The following MYO1D variants were observed in gnomAD, a reference collection of about 807,000 sequenced individuals.
The protein encoded by MYO1D is unconventional myosin-Id.
Under a neutral mutation model 122.0 loss-of-function variants are expected in MYO1D, and 83 were observed. That is an observed-to-expected ratio of 0.68 (90% CI 0.57 to 0.82). The LOEUF is 0.82. MYO1D is among the 40% of genes least tolerant of loss of function. The pLI is 0.00. For missense variants in MYO1D, 1,157 were observed against 1,269.5 expected (o/e 0.91, Z 1.35); for synonymous variants, 464 against 446.9 (o/e 1.04, Z -0.48).
At chr17:32,626,448 T>C (rs569012844) in intron 20 of MYO1D, among the ~76,000 whole-genome samples, 1 of 152,346 alleles carries the variant, frequency 6.6e-6, no homozygotes, top group African/African-American at 2.4e-5. Flanking sequence ...AAAGGCATTG[T>C]GTTTCTTTAA....
In MYO1D at chr17:32,828,515, CAAAAAAAA is replaced by C. The variant is rs137921871; in HGVS notation, c.96-47739_96-47732del. ...TGGACGACAGAGCGAGACTCCGTCT[CAAAAAAAA>C]AAAAAAAAAAAAAAAAGAAAGAAGA... On this transcript the variant is annotated intron_variant, in intron 1 of 21. Coordinates refer to ENST00000318217, the MANE Select transcript of MYO1D (RefSeq NM_015194.3). Among the ~76,000 whole-genome samples, 9 of 71,814 alleles carry C rather than the reference CAAAAAAAA, an allele frequency of 1.3e-4. No individual in the cohort carries two copies. In the East Asian group the frequency reaches 2.1e-3, roughly 17 times the overall value. 47.1% of individuals were successfully genotyped at this position (71,814 alleles called of 152,430 possible). A position where few individuals can be genotyped will look rare whatever the true frequency, so the allele number is the denominator to read the frequency against.
At position 32,605,165 on chromosome 17, in the gene MYO1D, A is replaced by C. The variant is rs376679614; in HGVS notation, c.2786T>G (p.Val929Gly). The C allele has an allele frequency of 5.6e-6, 9 of 1,610,466 alleles. No individual in the cohort carries two copies. The African/African-American group carries it at 1.2e-4, about 22-fold the overall frequency. Residue 929 changes from valine (V) to glycine (G), a missense_variant, in exon 21 of 22, where the codon GTC (valine) becomes GGC (glycine). By Grantham distance (109) the Val-to-Gly change is moderately radical (BLOSUM62 -3). Transcript: ENST00000318217. Reference protein sequence around the residue: ...FHTKDNKDLIVCLFSKQPTHE... With the variant: ...FHTKDNKDLIGCLFSKQPTHE... ...GGTTGGCTGTTTGCTGAAGAGGCAG[A>C]CAATGAGGTCTTTGTTGTCTTTCGT...
At position 32,659,257 on chromosome 17, in the gene MYO1D, T is replaced by G; in HGVS notation, c.2203A>C (p.Lys735Gln). 2 of 1,614,236 alleles carry G rather than the reference T, an allele frequency of 1.2e-6. No homozygotes were observed. Among genetic ancestry groups the G allele is most frequent in the Non-Finnish European group, 1.7e-6 (2 of 1,180,034 alleles). The change falls in exon 17 of 22, where the codon AAA becomes CAA. Residue 735 changes from lysine (K) to glutamine (Q), a missense_variant. Lys to Gln is a moderately conservative substitution (Grantham distance 53). Coordinates refer to ENST00000318217, the MANE Select transcript of MYO1D (RefSeq NM_015194.3). ...LTIIRYYRRY[K>Q]VKSYIHEVAR... ...ACCTCGTGGATGTACGACTTCACTTTGTAGCGCCGGTAGTACCTGATTATT... is the reference window on the plus strand; with the variant it reads ...ACCTCGTGGATGTACGACTTCACTTGGTAGCGCCGGTAGTACCTGATTATT...
chr17:32,696,385 C>G (rs16967553), intron 16 of MYO1D, among the ~76,000 whole-genome samples: 9,902 of 152,080 alleles, frequency 0.065, 1,027 homozygotes, highest in African/African-American at 0.22. Context: ...AAAAAAACAA[C>G]TTGCAGAAGA....
At chr17:32,519,973 C>G (rs1910071630) in intron 21 of MYO1D, among the ~76,000 whole-genome samples, 1 of 151,536 alleles carries the variant, frequency 6.6e-6, no homozygotes, top group Non-Finnish European at 1.5e-5. Context: ...ACCCCCGCAG[C>G]CATGTGAAAT....
intron 21 of MYO1D, chr17:32,528,977 G>A (rs1384643912): frequency 3.9e-5 from 6 of 152,328 alleles, no homozygotes; most frequent in Non-Finnish European, 5.9e-5. Context: ...TTGTTACAGC[G>A]GCAATAGGAA....
At chr17:32,634,377 G>C (rs972399338) in intron 20 of MYO1D, among the ~76,000 whole-genome samples, 2 of 152,228 alleles carry the variant, frequency 1.3e-5, no homozygotes, top group African/African-American at 4.8e-5. Flanking sequence ...ACCCAGTGTG[G>C]AAAGCCAGCA....
intron 21 of MYO1D, among the ~76,000 whole-genome samples, chr17:32,507,514 C>T (rs138218908): frequency 6.6e-6 from 1 of 152,254 alleles, no homozygotes; most frequent in Non-Finnish European, 1.5e-5. Flanking sequence ...ACATACTAGA[C>T]CACAGAAGAA....
intron 1 of MYO1D, among the ~76,000 whole-genome samples, chr17:32,821,388 A>G (rs943877943): frequency 6.6e-6 from 1 of 152,214 alleles, no homozygotes; most frequent in Non-Finnish European, 1.5e-5. Flanking sequence ...AAACTAAAAT[A>G]AAGAAATGAA....
intron 16 of MYO1D, among the ~76,000 whole-genome samples, chr17:32,675,974 G>C (rs1446359158): frequency 6.6e-6 from 1 of 152,124 alleles, no homozygotes; most frequent in Non-Finnish European, 1.5e-5. Context: ...CCTATGATGT[G>C]ATTCTAAGCA....
chr17:32,652,696 T>C (rs1472484827), intron 19 of MYO1D, among the ~76,000 whole-genome samples: 1 of 152,108 alleles, frequency 6.6e-6, no homozygotes, highest in South Asian at 2.1e-4. Flanking sequence ...ACTGCTATCA[T>C]CTCCAGGTAA....
chr17:32,871,310 A>G (rs2091177505), intron 1 of MYO1D, among the ~76,000 whole-genome samples: 1 of 152,220 alleles, frequency 6.6e-6, no homozygotes, highest in Admixed American at 6.5e-5. Flanking sequence ...GAGGCCAGGG[A>G]TGCTTCTAAA....
intron 1 of MYO1D, among the ~76,000 whole-genome samples, chr17:32,864,072 GA>G (rs200119938): frequency 9.5e-6 from 1 of 105,088 alleles, no homozygotes; most frequent in Admixed American, 1.4e-4. Flanking sequence ...AAGCCTTCTG[GA>G]AAAAAAATCA....
intron 1 of MYO1D, among the ~76,000 whole-genome samples, chr17:32,809,988 TAAGTA>T (rs930574428): frequency 1.3e-5 from 2 of 152,032 alleles, no homozygotes; most frequent in African/African-American, 4.8e-5. Context: ...GGGAAAGGGC[TAAGTA>T]AAGGGTGAAG....
chr17:32,760,160 C>T (rs1480005866), intron 10 of MYO1D, 130 bp downstream of exon 10: 1 of 843,020 alleles, frequency 1.2e-6, no homozygotes, highest in East Asian at 2.4e-5. Context: ...ATTTACATAT[C>T]CCAAAAAGGA....
At chr17:32,518,124 T>C (rs955569412) in intron 21 of MYO1D, among the ~76,000 whole-genome samples, 1 of 152,030 alleles carries the variant, frequency 6.6e-6, no homozygotes, top group African/African-American at 2.4e-5. Flanking sequence ...CCTGCCACTC[T>C]GTCATCACCC....
intron 6 of MYO1D, among the ~76,000 whole-genome samples, chr17:32,770,041 G>C (rs2151022310): frequency 6.6e-6 from 1 of 152,226 alleles, no homozygotes; most frequent in South Asian, 2.1e-4. Context: ...GTGGAGTGTT[G>C]CCCTCTACTG....
intron 20 of MYO1D, among the ~76,000 whole-genome samples, chr17:32,628,838 A>G (rs2087962660): frequency 6.6e-6 from 1 of 152,226 alleles, no homozygotes. Context: ...AGTTCTTACA[A>G]AGCTAAATTT....
intron 10 of MYO1D, 180 bp from the exon 11 acceptor site, chr17:32,755,842 ATTTC>A (rs2089942397): frequency 7.8e-6 from 4 of 515,000 alleles, no homozygotes; most frequent in Non-Finnish European, 1.3e-5. Context: ...TTATTTTTAA[ATTTC>A]TTTGTTAACT....
Sources: allele counts gnomAD v4.1 joint callset (sites outside exome capture counted in the v4.1 genomes callset), GRCh38; gene constraint gnomAD v4.1.1; transcripts MANE v1.5; gene names NCBI Gene and HGNC (gene_info 2026-07-23, HGNC 2026-07-21).